Variants in POLR1H observed in about 807,000 individuals in gnomAD.
The protein encoded by POLR1H is DNA-directed RNA polymerase I subunit RPA12.
POLR1H carries 5 observed loss-of-function variants against 15.8 expected under a neutral mutation model. That is an observed-to-expected ratio of 0.32 (90% CI 0.17 to 0.67). The LOEUF is 0.67. Among genes scored for constraint, POLR1H ranks in the 30% least tolerant of loss-of-function variants. POLR1H has a pLI of 0.74. For synonymous variants in POLR1H, 43 were observed against 58.3 expected, an observed-to-expected ratio of 0.74 and a Z score of 1.20; for missense variants, 100 against 163.4, an observed-to-expected ratio of 0.61 and a Z score of 2.11.
At position 30,061,354 on chromosome 6, in the gene POLR1H, G is replaced by T; in HGVS notation, c.-171G>T. ...AGTCCTTTAGTACCCGACGCTGTCT[G>T]GGAATTCCGGGCGTTTCGGCTCCTT... On this transcript the variant is annotated 5_prime_UTR_variant, in exon 1 of 4. Transcript: ENST00000332435. The surrounding 1 kb of genome is among the most constrained non-coding windows in gnomAD (Gnocchi z 5.0). 1 of 688,510 alleles carries T rather than the reference G, an allele frequency of 1.5e-6. No individual in the cohort carries two copies. The highest frequency in any genetic ancestry group is 2.4e-6 in the Non-Finnish European group (1 of 418,816). The allele number at this position is 688,510 out of a possible 1,614,324, so 42.7% of individuals were successfully genotyped here.
Position 30,062,031 on chromosome 6 carries a change from A to T in POLR1H, c.246+14A>T. The T allele has an allele frequency of 6.2e-7, 1 of 1,609,278 alleles. No individual in the cohort carries two copies. The highest frequency in any genetic ancestry group is 8.5e-7 in the Non-Finnish European group (1 of 1,176,596). ...CAGGGACCTGTGGTAAGCTAATGAG[A>T]TCAAGAACTGGCTCCATAAGGTGGG... On this transcript the variant is annotated intron_variant, in intron 2 of 3. Coordinates refer to ENST00000332435, the MANE Select transcript of POLR1H (RefSeq NM_170783.4).
At position 30,061,848 on chromosome 6, in the gene POLR1H, G is replaced by T; in HGVS notation, c.146-69G>T. On this transcript the variant is annotated intron_variant, in intron 1 of 3. Coordinates refer to ENST00000332435, the MANE Select transcript of POLR1H (RefSeq NM_170783.4). The surrounding 1 kb of genome is among the most constrained non-coding windows in gnomAD (Gnocchi z 5.0). ...GGCCTCCTGGCCTAACCAGCCAGGG[G>T]AAAGGGGAGGTTTCCGGTGTCAGCT... 6.3e-7 allele frequency: 1 copy of T among 1,579,852 alleles called. No homozygotes were observed. Among genetic ancestry groups the T allele is most frequent in the Non-Finnish European group, 8.7e-7 (1 of 1,152,070 alleles).
chr6:30,063,676 T>G lies in POLR1H; in HGVS notation c.357-997T>G, dbSNP rs766605197. 6.6e-6 allele frequency among the ~76,000 whole-genome samples: 1 copy of G among 152,172 alleles called. No individual in the cohort carries two copies. Among genetic ancestry groups the G allele is most frequent in the African/African-American group, 2.4e-5 (1 of 41,458 alleles). On this transcript the variant is annotated intron_variant, in intron 3 of 3. Coordinates refer to ENST00000332435, the MANE Select transcript of POLR1H (RefSeq NM_170783.4). This position sits in a 1 kb window ranked among gnomAD's most constrained non-coding sequence, Gnocchi z 4.1. Reference sequence around the variant, plus strand: ...TTGTTTTGTGATTTTTGACTATAAATTCGAGTTTTTTAGAACTTGAACTGT... The same window carrying G: ...TTGTTTTGTGATTTTTGACTATAAAGTCGAGTTTTTTAGAACTTGAACTGT...
Position 30,064,858 on chromosome 6 carries a change from C to T in POLR1H, c.*161C>T, listed in dbSNP as rs934714857. The T allele has an allele frequency of 1.7e-5, 8 of 473,424 alleles. No homozygotes were observed. The highest frequency in any genetic ancestry group is 2.9e-5 in the Non-Finnish European group (8 of 271,674). The allele number at this position is 473,424 out of a possible 1,614,324, so 29.3% of individuals were successfully genotyped here. A position where few individuals can be genotyped will look rare whatever the true frequency, so the allele number is the denominator to read the frequency against. On this transcript the variant is annotated 3_prime_UTR_variant, in exon 4 of 4. Transcript: ENST00000332435. ...TACCATTGTTCCTGGAGTACTCCTA[C>T]CCTTAGTTGAATTTCCTTATTAAAG...
intron 3 of POLR1H, among the ~76,000 whole-genome samples, chr6:30,062,543 ATTTTTTTTTTTTT>A (rs9278553): frequency 1.5e-5 from 1 of 64,990 alleles, no homozygotes; most frequent in South Asian, 7.5e-4. Context: ...ACCTTTTAGG[ATTTTTTTTTTTTT>A]TTTTTTTTTT....
rs775780210 is a variant in POLR1H, at chr6:30,061,664, T to A, written c.140T>A (p.Val47Asp). Residue 47 changes from valine (V) to aspartate (D), a missense_variant, in exon 1 of 4, where the codon GTT becomes GAT. Around this residue, in one of 2 missense-constraint regions of POLR1H, gnomAD observed 87 missense variants for 119.8 expected, o/e 0.73. Transcript: ENST00000332435. The surrounding 1 kb of genome is among the most constrained non-coding windows in gnomAD (Gnocchi z 5.0). ...ATTCGCTGTGGCTTCAACATCAACG[T>A]TCGGGGTGAGAGGCTTGTACGCAGG... ...TCIRCGFNIN[V>D]RDFEGKVVKT... 35 of 1,612,788 alleles carry A rather than the reference T, an allele frequency of 2.2e-5. No individual in the cohort carries two copies. The highest frequency in any genetic ancestry group is 2.8e-5 in the Non-Finnish European group (33 of 1,180,012).
chr6:30,060,856 T>A (rs900646869), upstream of POLR1H: 3 of 152,282 alleles, frequency 2.0e-5, no homozygotes, highest in Middle Eastern at 3.4e-3. Flanking sequence ...CCAGAACACT[T>A]AGCTTTGTTT....
chr6:30,060,712 A>G (rs1440964457), upstream of POLR1H: 5 of 151,888 alleles, frequency 3.3e-5, no homozygotes, highest in East Asian at 9.7e-4. Flanking sequence ...CACTCTCACC[A>G]CTTGCTGTCC....
intron 3 of POLR1H, among the ~76,000 whole-genome samples, chr6:30,064,247 T>C (rs1230908507): frequency 1.3e-5 from 2 of 152,042 alleles, no homozygotes; most frequent in Non-Finnish European, 2.9e-5. Context: ...TAGTCAGATA[T>C]ATCTTTTAAA....
upstream of POLR1H, chr6:30,060,376 TAGAA>T (rs1261726324): frequency 1.3e-5 from 2 of 152,148 alleles, no homozygotes; most frequent in East Asian, 1.9e-4. Flanking sequence ...TTAATGAAAA[TAGAA>T]AGATTTCCCA....
Position 30,063,266 on chromosome 6 carries a change from T to C in POLR1H, c.356+933T>C, listed in dbSNP as rs1765262278. The stretch of plus-strand genomic sequence containing the variant: ...TCGAATTAGTTACTAGAAAGAGGTT[T>C]CTCTCTTCTGTCCTCCATTTCTCTC... On this transcript the variant is annotated intron_variant, in intron 3 of 3. Transcript: ENST00000332435. The surrounding 1 kb of genome is among the most constrained non-coding windows in gnomAD (Gnocchi z 4.1). 6.6e-6 allele frequency among the ~76,000 whole-genome samples: 1 copy of C among 152,112 alleles called. No homozygotes were observed. The highest frequency in any genetic ancestry group is 1.5e-5 in the Non-Finnish European group (1 of 68,008).
intron 2 of POLR1H, 94 bp downstream of exon 2, chr6:30,062,111 C>A: frequency 6.8e-7 from 1 of 1,462,006 alleles, no homozygotes; most frequent in Non-Finnish European, 9.6e-7. Context: ...GTGCCCAATT[C>A]CAAGAGGGAA....
rs1421661104 is a variant in POLR1H, at chr6:30,063,318, G to A, written c.356+985G>A. 6.6e-6 allele frequency among the ~76,000 whole-genome samples: 1 copy of A among 151,820 alleles called. No homozygotes were observed. Among genetic ancestry groups the A allele is most frequent in the African/African-American group, 2.4e-5 (1 of 41,338 alleles). ...CCTTCTTTTCATATTTTCAATTGCT[G>A]TTCTCTTTATGCCACCTTCTGAGTA... On this transcript the variant is annotated intron_variant, in intron 3 of 3. Transcript: ENST00000332435. This position sits in a 1 kb window ranked among gnomAD's most constrained non-coding sequence, Gnocchi z 4.1.
rs971623693 is a variant in POLR1H at position 30,061,848 on chromosome 6, G to C, written c.146-69G>C. 10 of 1,579,734 alleles carry C rather than the reference G, an allele frequency of 6.3e-6. No homozygotes were observed. In the African/African-American group the frequency reaches 9.4e-5, roughly 15 times the overall value. On this transcript the variant is annotated intron_variant, in intron 1 of 3. Transcript: ENST00000332435. The surrounding 1 kb of genome is among the most constrained non-coding windows in gnomAD (Gnocchi z 5.0). ...GGCCTCCTGGCCTAACCAGCCAGGG[G>C]AAAGGGGAGGTTTCCGGTGTCAGCT...
At chr6:30,062,071 AG>A in intron 2 of POLR1H, 54 bp downstream of exon 2, 1 of 1,545,338 alleles carries the variant, frequency 6.5e-7, no homozygotes, top group Non-Finnish European at 8.9e-7. Flanking sequence ...AAAGAAATGG[AG>A]GAGTGATTGC....
At position 30,064,883 on chromosome 6, in the gene POLR1H, GT is replaced by G; in HGVS notation, c.*188del. On this transcript the variant is annotated 3_prime_UTR_variant, in exon 4 of 4. Transcript: ENST00000332435. The stretch of plus-strand genomic sequence containing the variant: ...CCCTTAGTTGAATTTCCTTATTAAA[GT>G]TATATTTTTCTATAAGACCCTGACA... The G allele has an allele frequency of 2.3e-6, 1 of 433,502 alleles. No individual in the cohort carries two copies. Among genetic ancestry groups the G allele is most frequent in the Non-Finnish European group, 4.1e-6 (1 of 246,592 alleles). 26.9% of individuals were successfully genotyped at this position (433,502 alleles called of 1,614,324 possible).
intron 2 of POLR1H, 25 bp downstream of exon 2, chr6:30,062,042 G>C (rs1406690412): frequency 1.2e-6 from 2 of 1,601,384 alleles, no homozygotes; most frequent in Non-Finnish European, 8.6e-7. Context: ...TCAAGAACTG[G>C]CTCCATAAGG....
upstream of POLR1H, chr6:30,060,090 G>A (rs1325038145): frequency 1.3e-5 from 2 of 152,338 alleles, no homozygotes; most frequent in Non-Finnish European, 2.9e-5. Context: ...TAAATGATAG[G>A]GCTTGTCACT....
upstream of POLR1H, chr6:30,060,300 G>A (rs1764918071): frequency 6.6e-6 from 1 of 152,236 alleles, no homozygotes; most frequent in Non-Finnish European, 1.5e-5. Flanking sequence ...GGGCTAGCAG[G>A]AAACTAGTAA....
Sources: allele counts gnomAD v4.1 joint callset (sites outside exome capture counted in the v4.1 genomes callset), GRCh38; gene constraint gnomAD v4.1.1; regional missense constraint gnomAD v4.1.1; non-coding constraint Gnocchi (gnomAD v3.1); transcripts MANE v1.5; gene names NCBI Gene and HGNC (gene_info 2026-07-23, HGNC 2026-07-21).